The following GRM7 variants were observed in gnomAD, a reference collection of about 807,000 sequenced individuals.
GRM7 encodes glutamate metabotropic receptor 7.
In GRM7, 35 loss-of-function variants were observed where a neutral mutation model predicts 84.5. That is an observed-to-expected ratio of 0.41 (90% confidence interval 0.32 to 0.55). The LOEUF (loss-of-function observed/expected upper bound fraction) is 0.55. Ranked by LOEUF, GRM7 falls within the 20% of genes least tolerant of loss-of-function variation. The pLI is 0.19. For synonymous variants in GRM7, 487 were observed against 455.1 expected (o/e 1.07, Z -0.89); for missense variants, 1,003 against 1,194.6 (o/e 0.84, Z 2.36).
intron 1 of GRM7, among the ~76,000 whole-genome samples, chr3:7,001,500 A>G (rs1272567668): frequency 1.3e-5 from 2 of 152,190 alleles, no homozygotes; most frequent in African/African-American, 4.8e-5. Flanking sequence ...TGTTAAAACC[A>G]AATGGAAAAC....
intron 7 of GRM7, among the ~76,000 whole-genome samples, chr3:7,485,804 T>C (rs1267714359): frequency 6.6e-6 from 1 of 152,204 alleles, no homozygotes; most frequent in East Asian, 1.9e-4. Context: ...AGAGAATCGC[T>C]GATGCCACTG....
chr3:7,585,643 C>G (rs768859542), intron 8 of GRM7, among the ~76,000 whole-genome samples: 3 of 152,168 alleles, frequency 2.0e-5, no homozygotes, highest in Non-Finnish European at 4.4e-5. Context: ...CCTGCCACCT[C>G]CCGTGGAGAG....
At chr3:7,160,799 G>A (rs1289931979) in intron 2 of GRM7, among the ~76,000 whole-genome samples, 2 of 152,054 alleles carry the variant, frequency 1.3e-5, no homozygotes, top group Non-Finnish European at 2.9e-5. Context: ...TGTTCCCATA[G>A]CACCCCATAC....
chr3:7,390,224 C>T (rs75951735), intron 4 of GRM7, among the ~76,000 whole-genome samples: 2,418 of 152,062 alleles, frequency 0.016, 58 homozygotes, highest in African/African-American at 0.053. Flanking sequence ...AGAAGTCCAC[C>T]GTTATTCTGA....
chr3:7,099,028 A>G (rs1279812330), intron 1 of GRM7, among the ~76,000 whole-genome samples: 1 of 151,728 alleles, frequency 6.6e-6, no homozygotes, highest in Non-Finnish European at 1.5e-5. Context: ...AACCACTGTT[A>G]CTAAGTTCCT....
At chr3:7,447,727 CT>C (rs34044390) in intron 5 of GRM7, among the ~76,000 whole-genome samples, 54,405 of 148,362 alleles carry the variant, frequency 0.37, 11,021 homozygotes, top group Non-Finnish European at 0.48. Flanking sequence ...CCAGCAAACT[CT>C]TTTTTTTTTA....
At chr3:7,585,636 G>T (rs1695484078) in intron 8 of GRM7, among the ~76,000 whole-genome samples, 1 of 152,092 alleles carries the variant, frequency 6.6e-6, no homozygotes, top group African/African-American at 2.4e-5. Flanking sequence ...GAATCTTCCT[G>T]CCACCTCCCG....
chr3:7,681,676 C>T (rs893993527), intron 9 of GRM7: 2 of 152,132 alleles, frequency 1.3e-5, no homozygotes, highest in Admixed American at 1.3e-4. Flanking sequence ...GAGAGGAGGG[C>T]AAGTGGATGG....
intron 2 of GRM7, among the ~76,000 whole-genome samples, chr3:7,219,661 T>G (rs1287035897): frequency 6.6e-6 from 1 of 152,198 alleles, no homozygotes; most frequent in East Asian, 1.9e-4. Flanking sequence ...GGTACTTTTG[T>G]GTGCATGGGT....
chr3:7,009,498 T>C (rs1695298437), intron 1 of GRM7, among the ~76,000 whole-genome samples: 1 of 152,184 alleles, frequency 6.6e-6, no homozygotes, highest in Non-Finnish European at 1.5e-5. Context: ...ATCTAAAAAA[T>C]GATAAGTAGA....
intron 5 of GRM7, among the ~76,000 whole-genome samples, chr3:7,417,115 G>A (rs1696196039): frequency 6.6e-6 from 1 of 152,090 alleles, no homozygotes; most frequent in South Asian, 2.1e-4. Flanking sequence ...AGGTCATTAT[G>A]CAAGCCTCTA....
At chr3:7,545,815 T>C (rs1237555352) in intron 7 of GRM7, among the ~76,000 whole-genome samples, 1 of 152,170 alleles carries the variant, frequency 6.6e-6, no homozygotes, top group Non-Finnish European at 1.5e-5. Flanking sequence ...TCACAAGCTA[T>C]ACACTTAAAA....
At chr3:7,103,802 CTTTCTTT>C (rs1699199392) in intron 1 of GRM7, among the ~76,000 whole-genome samples, 1 of 109,532 alleles carries the variant, frequency 9.1e-6, no homozygotes, top group Non-Finnish European at 1.8e-5. Flanking sequence ...TTCTTTCTTT[CTTTCTTT>C]CTTTCTTTCT....
intron 1 of GRM7, among the ~76,000 whole-genome samples, chr3:7,095,153 A>C (rs1698811849): frequency 6.6e-6 from 1 of 152,140 alleles, no homozygotes; most frequent in Non-Finnish European, 1.5e-5. Context: ...GGTGAAAGTA[A>C]AAGGACTTTT....
intron 9 of GRM7, chr3:7,693,547 TG>T: frequency 1.2e-6 from 1 of 810,004 alleles, no homozygotes; most frequent in Middle Eastern, 2.2e-4. Flanking sequence ...CCCTCATTTT[TG>T]TCATGTTTGC....
intron 8 of GRM7, among the ~76,000 whole-genome samples, chr3:7,668,439 ACT>A (rs1403608529): frequency 6.6e-6 from 1 of 151,534 alleles, no homozygotes; most frequent in African/African-American, 2.4e-5. Context: ...GAGATACACT[ACT>A]CTCTCTCCTC....
intron 1 of GRM7, among the ~76,000 whole-genome samples, chr3:6,889,761 A>G (rs1478613742): frequency 1.3e-5 from 2 of 152,032 alleles, no homozygotes; most frequent in Non-Finnish European, 2.9e-5. Flanking sequence ...TGAGTTAGGG[A>G]GGATTCCCTC....
At chr3:6,870,961 A>G (rs762777023) in intron 1 of GRM7, among the ~76,000 whole-genome samples, 18 of 152,188 alleles carry the variant, frequency 1.2e-4, no homozygotes, top group Admixed American at 6.5e-5. Flanking sequence ...CATTGTGTAA[A>G]ATGGAGACAT....
rs939007280 is a variant in GRM7 at position 7,129,087 on chromosome 3, A to T, written c.520-17365A>T. Among the ~76,000 whole-genome samples the T allele has an allele frequency of 2.0e-5, 3 of 152,152 alleles. No homozygotes were observed. The South Asian group carries it at 6.2e-4, about 32-fold the overall frequency. ...ATGTTATAAAGACAGTACTGTTAGG[A>T]GTGCACCAATTTAGTAGCTGGGATG... On this transcript the variant is annotated intron_variant, in intron 1 of 9. Transcript: ENST00000357716.
Sources: allele counts gnomAD v4.1 joint callset (sites outside exome capture counted in the v4.1 genomes callset), GRCh38; gene constraint gnomAD v4.1.1; transcripts MANE v1.5; gene names NCBI Gene and HGNC (gene_info 2026-07-23, HGNC 2026-07-21).